Variants in WHRN observed in about 807,000 individuals in gnomAD.
The protein encoded by WHRN is whirlin, also known as CASK-interacting protein CIP98.
In WHRN, 41 loss-of-function variants were observed where a neutral mutation model predicts 68.3. The ratio of observed to expected loss-of-function variants is 0.60; its 90% CI spans 0.47 to 0.78. WHRN has a LOEUF of 0.78. Among genes scored for constraint, WHRN ranks in the 30% least tolerant of loss-of-function variants. The pLI is 0.00. For missense variants in WHRN, 1,243 were observed against 1,244.7 expected, an observed-to-expected ratio of 1.00 and a Z score of 0.02; for synonymous variants, 560 against 561.3, an observed-to-expected ratio of 1.00 and a Z score of 0.03.
At chr9:114,501,503 A>G (rs962220385) in intron 1 of WHRN, among the ~76,000 whole-genome samples, 1 of 151,922 alleles carries the variant, frequency 6.6e-6, no homozygotes, top group African/African-American at 2.4e-5. Flanking sequence ...TTATTCATAA[A>G]TTATTAGGTA....
intron 3 of WHRN, among the ~76,000 whole-genome samples, chr9:114,430,826 C>T (rs898018485): frequency 7.2e-5 from 11 of 152,286 alleles, no homozygotes; most frequent in Non-Finnish European, 1.5e-4. Context: ...CTTTTCAATC[C>T]TCTCCTGTCT....
intron 3 of WHRN, among the ~76,000 whole-genome samples, chr9:114,461,665 G>A (rs929150548): frequency 6.6e-5 from 10 of 152,146 alleles, no homozygotes; most frequent in Non-Finnish European, 7.3e-5. Context: ...TGTTCTTTCT[G>A]CCTGGAATTC....
chr9:114,407,817 CTCA>C, intron 8 of WHRN, 127 bp downstream of exon 8: 1 of 758,468 alleles, frequency 1.3e-6, no homozygotes, highest in Non-Finnish European at 2.3e-6. Context: ...GGTGTGAGAG[CTCA>C]TGGCAGAGGC....
chr9:114,428,225 C>A (rs955578210), intron 3 of WHRN, among the ~76,000 whole-genome samples: 3 of 152,176 alleles, frequency 2.0e-5, no homozygotes, highest in Middle Eastern at 3.2e-3. Context: ...ACTCGGGAGG[C>A]TGAGGCAGGA....
intron 1 of WHRN, 75 bp from the exon 2 acceptor site, chr9:114,478,846 G>T: frequency 6.8e-7 from 1 of 1,468,322 alleles, no homozygotes; most frequent in Non-Finnish European, 9.2e-7. Context: ...CCCTGGCCCA[G>T]ACCTTGGTTT....
intron 9 of WHRN, among the ~76,000 whole-genome samples, chr9:114,405,186 C>T (rs10114489): frequency 0.21 from 32,014 of 151,110 alleles, 3,622 homozygotes; most frequent in Middle Eastern, 0.3. Context: ...GTGGTCCTCC[C>T]ACCTCAGCCT....
chr9:114,447,785 T>C (rs1027699021), intron 3 of WHRN, among the ~76,000 whole-genome samples: 14 of 149,528 alleles, frequency 9.4e-5, no homozygotes, highest in Non-Finnish European at 1.5e-4. Context: ...TCTCTCTGTC[T>C]CTCTCTCTCC....
chr9:114,494,727 G>A (rs1342945311), intron 1 of WHRN, among the ~76,000 whole-genome samples: 2 of 152,228 alleles, frequency 1.3e-5, no homozygotes, highest in Admixed American at 1.3e-4. Flanking sequence ...GGAAAACAAA[G>A]TGATGAAAAT....
chr9:114,482,788 G>T (rs1325531558), intron 1 of WHRN, among the ~76,000 whole-genome samples: 3 of 152,140 alleles, frequency 2.0e-5, no homozygotes, highest in Admixed American at 2.0e-4. Context: ...CTATAAATAG[G>T]CCAGCAGCAA....
At chr9:114,448,969 T>C (rs1405572858) in intron 3 of WHRN, among the ~76,000 whole-genome samples, 1 of 152,174 alleles carries the variant, frequency 6.6e-6, no homozygotes, top group Non-Finnish European at 1.5e-5. Context: ...TGCTGAATCA[T>C]AACTGGCACT....
At position 114,504,835 on chromosome 9, in the gene WHRN, G is replaced by C; in HGVS notation, c.-34C>G. The C allele has an allele frequency of 7.3e-7, 1 of 1,378,594 alleles. No homozygotes were observed. The highest frequency in any genetic ancestry group is 1.7e-5 in the South Asian group (1 of 57,704). The allele number at this position is 1,378,594 out of a possible 1,614,324, so 85.4% of individuals were successfully genotyped here. ...CGAGGCCCGGCCGGGCTCTGAGCGC[G>C]CGGGGTGTGGGCGGTGCCGCTGTCC... On this transcript the variant is annotated 5_prime_UTR_variant, in exon 1 of 12. Transcript: ENST00000362057.
intron 1 of WHRN, among the ~76,000 whole-genome samples, chr9:114,501,766 C>A (rs917524051): frequency 2.6e-5 from 4 of 152,180 alleles, no homozygotes; most frequent in Non-Finnish European, 4.4e-5. Flanking sequence ...AGTCTGAAGT[C>A]CAGTTAACAG....
chr9:114,436,670 A>G (rs1011851386), intron 3 of WHRN, among the ~76,000 whole-genome samples: 6 of 152,074 alleles, frequency 3.9e-5, no homozygotes, highest in Non-Finnish European at 8.8e-5. Context: ...CTCTACCAAA[A>G]ATACAAAAAT....
chr9:114,462,513 C>A (rs1840328893), intron 3 of WHRN, among the ~76,000 whole-genome samples: 1 of 152,178 alleles, frequency 6.6e-6, no homozygotes. Flanking sequence ...TCCTTCCCTG[C>A]TCAAGGAAAC....
chr9:114,434,995 C>A (rs1837724958), intron 3 of WHRN, among the ~76,000 whole-genome samples: 1 of 152,186 alleles, frequency 6.6e-6, no homozygotes, highest in Admixed American at 6.5e-5. Context: ...GGAGACCAGA[C>A]CATTGTTCCT....
chr9:114,438,461 T>C (rs1232021513), intron 3 of WHRN, among the ~76,000 whole-genome samples: 1 of 149,574 alleles, frequency 6.7e-6, no homozygotes, highest in South Asian at 2.1e-4. Flanking sequence ...TTTCTTTTTT[T>C]TTTTTTTTTG....
At chr9:114,485,954 C>T (rs571674098) in intron 1 of WHRN, among the ~76,000 whole-genome samples, 42 of 152,164 alleles carry the variant, frequency 2.8e-4, no homozygotes, top group East Asian at 1.2e-3. Flanking sequence ...ATCGAGACTA[C>T]GGTGAGCTAT....
intron 2 of WHRN, among the ~76,000 whole-genome samples, chr9:114,473,230 G>A (rs1841388697): frequency 6.6e-6 from 1 of 152,234 alleles, no homozygotes; most frequent in Non-Finnish European, 1.5e-5. Flanking sequence ...GGGGAGGGGT[G>A]AAAGGGGCAT....
chr9:114,450,440 T>C (rs1839220623), intron 3 of WHRN, among the ~76,000 whole-genome samples: 1 of 152,116 alleles, frequency 6.6e-6, no homozygotes, highest in Non-Finnish European at 1.5e-5. Flanking sequence ...CCTGGCTGGG[T>C]GTTAGAGGAC....
Sources: allele counts gnomAD v4.1 joint callset (sites outside exome capture counted in the v4.1 genomes callset), GRCh38; gene constraint gnomAD v4.1.1; transcripts MANE v1.5; gene names NCBI Gene and HGNC (gene_info 2026-07-23, HGNC 2026-07-21).